The following CAMKMT variants were observed in gnomAD, a reference collection of about 807,000 sequenced individuals.
CAMKMT encodes CaM KMT.
CAMKMT carries 53 observed loss-of-function variants against 48.0 expected under a neutral mutation model. The observed-to-expected ratio is 1.10, with a 90% CI of 0.89 to 1.39. The LOEUF (loss-of-function observed/expected upper bound fraction) is 1.39. Ranked by LOEUF, CAMKMT falls within the 40% of genes most tolerant of loss-of-function variation. CAMKMT has a pLI of 0.00. For synonymous variants in CAMKMT, 165 were observed against 152.3 expected (o/e 1.08, Z -0.61); for missense variants, 428 against 402.7 (o/e 1.06, Z -0.54).
intron 3 of CAMKMT, among the ~76,000 whole-genome samples, chr2:44,634,720 G>A (rs1312101816): frequency 2.1e-5 from 3 of 144,322 alleles, no homozygotes; most frequent in Non-Finnish European, 1.5e-5. Context: ...GAGGTCATAA[G>A]TAACTATATG....
At chr2:44,761,500 C>G (rs1409318828) in intron 9 of CAMKMT, among the ~76,000 whole-genome samples, 1 of 152,150 alleles carries the variant, frequency 6.6e-6, no homozygotes, top group East Asian at 1.9e-4. Flanking sequence ...AGCCAGCACC[C>G]CAATTACAAA....
At chr2:44,614,935 G>GCT (rs1671790118) in intron 3 of CAMKMT, among the ~76,000 whole-genome samples, 1 of 33,880 alleles carries the variant, frequency 3.0e-5, no homozygotes, top group African/African-American at 1.4e-4. Context: ...TGGTCTCCTT[G>GCT]CTTTTTTTTT....
chr2:44,406,956 A>T (rs10206386), intron 3 of CAMKMT, among the ~76,000 whole-genome samples: 6,668 of 152,274 alleles, frequency 0.044, 499 homozygotes, highest in African/African-American at 0.15. Context: ...CTGTCTACTT[A>T]ACTGGAACAG....
rs574173144 is a variant in CAMKMT, at chr2:44,624,215, G to C, written c.377-80068G>C. The stretch of plus-strand genomic sequence containing the variant: ...GAAGCTATTGTGAATCAAGCTGTTA[G>C]GGACATTTGTGCACAAGATTTTTTG... On this transcript the variant is annotated intron_variant, in intron 3 of 10. Transcript: ENST00000378494. 3.7e-4 allele frequency among the ~76,000 whole-genome samples: 56 copies of C among 152,238 alleles called. 2 individuals carry two copies. Among genetic ancestry groups the C allele is most frequent in the Admixed American group, 3.2e-3 (49 of 15,286 alleles).
intron 3 of CAMKMT, among the ~76,000 whole-genome samples, chr2:44,445,645 G>GTTTTTTTTT (rs869258613): frequency 3.9e-5 from 4 of 101,422 alleles, no homozygotes; most frequent in African/African-American, 7.3e-5. Flanking sequence ...CAAAAGGGTA[G>GTTTTTTTTT]TTTTTTTTTT....
intron 5 of CAMKMT, 79 bp from the exon 6 acceptor site, chr2:44,707,320 G>A: frequency 8.2e-7 from 1 of 1,220,722 alleles, no homozygotes; most frequent in Non-Finnish European, 1.2e-6. Context: ...TGATACTGAA[G>A]GCTTGTCACT....
intron 6 of CAMKMT, among the ~76,000 whole-genome samples, chr2:44,714,354 C>T (rs911175965): frequency 1.3e-5 from 2 of 152,252 alleles, no homozygotes; most frequent in South Asian, 2.1e-4. Context: ...GTAAATATGG[C>T]GCTGGGTGAT....
At chr2:44,405,085 T>A (rs1682687528) in intron 3 of CAMKMT, among the ~76,000 whole-genome samples, 1 of 152,046 alleles carries the variant, frequency 6.6e-6, no homozygotes, top group African/African-American at 2.4e-5. Context: ...ACATGGGAGT[T>A]CATTATTTTC....
intron 3 of CAMKMT, among the ~76,000 whole-genome samples, chr2:44,487,946 T>C (rs1214398283): frequency 1.3e-5 from 2 of 152,270 alleles, no homozygotes; most frequent in Non-Finnish European, 2.9e-5. Flanking sequence ...GTATTTTCTT[T>C]ATGTCATAGC....
chr2:44,722,582 T>C (rs765218703), intron 7 of CAMKMT, among the ~76,000 whole-genome samples: 29 of 152,234 alleles, frequency 1.9e-4, no homozygotes, highest in Non-Finnish European at 3.7e-4. Flanking sequence ...ATTTTGTACG[T>C]GATATTTGGA....
chr2:44,599,669 C>G (rs1670869295), intron 3 of CAMKMT, among the ~76,000 whole-genome samples: 1 of 151,882 alleles, frequency 6.6e-6, no homozygotes. Context: ...CATTAAGAGT[C>G]TCAGAAATGG....
intron 3 of CAMKMT, among the ~76,000 whole-genome samples, chr2:44,490,763 G>T (rs1669459572): frequency 6.6e-6 from 1 of 152,056 alleles, no homozygotes; most frequent in African/African-American, 2.4e-5. Flanking sequence ...TCTAAATTCA[G>T]CTTTACTATT....
At chr2:44,537,557 T>C (rs1026512772) in intron 3 of CAMKMT, among the ~76,000 whole-genome samples, 1 of 151,974 alleles carries the variant, frequency 6.6e-6, no homozygotes, top group Non-Finnish European at 1.5e-5. Context: ...AAAAGGGAAC[T>C]CTTTTTTTTT....
chr2:44,429,807 C>CAAA (rs1168195679), intron 3 of CAMKMT, among the ~76,000 whole-genome samples: 122 of 63,788 alleles, frequency 1.9e-3, no homozygotes, highest in South Asian at 5.5e-3. Flanking sequence ...GACTCCGTCT[C>CAAA]AAAAAAAAAA....
At chr2:44,613,024 A>G (rs1448636286) in intron 3 of CAMKMT, among the ~76,000 whole-genome samples, 1 of 152,218 alleles carries the variant, frequency 6.6e-6, no homozygotes, top group African/African-American at 2.4e-5. Context: ...AAAGGAAAAG[A>G]TGAATGGGTA....
intron 3 of CAMKMT, among the ~76,000 whole-genome samples, chr2:44,500,732 A>T (rs1156403685): frequency 6.8e-6 from 1 of 146,192 alleles, no homozygotes; most frequent in Admixed American, 7.0e-5. Context: ...CCCAGGCTGG[A>T]GTGCAGTGGC....
At chr2:44,435,334 C>A (rs1266035273) in intron 3 of CAMKMT, among the ~76,000 whole-genome samples, 1 of 151,966 alleles carries the variant, frequency 6.6e-6, no homozygotes, top group African/African-American at 2.4e-5. Flanking sequence ...TATTGTTGGG[C>A]ACGCATCCAA....
intron 3 of CAMKMT, among the ~76,000 whole-genome samples, chr2:44,528,381 C>A (rs562115115): frequency 6.6e-6 from 1 of 152,154 alleles, no homozygotes; most frequent in African/African-American, 2.4e-5. Flanking sequence ...GTTATCCATT[C>A]CCCAGTTACC....
chr2:44,486,543 T>C (rs1023120811), intron 3 of CAMKMT, among the ~76,000 whole-genome samples: 9 of 152,248 alleles, frequency 5.9e-5, no homozygotes, highest in African/African-American at 2.2e-4. Flanking sequence ...ACTCATAGTG[T>C]GTACTGATGT....
Sources: allele counts gnomAD v4.1 joint callset (sites outside exome capture counted in the v4.1 genomes callset), GRCh38; gene constraint gnomAD v4.1.1; transcripts MANE v1.5; gene names NCBI Gene and HGNC (gene_info 2026-07-23, HGNC 2026-07-21).